PCDH15: variants seen among roughly 807,000 people sequenced by gnomAD.
The protein encoded by PCDH15 is protocadherin related 15.
Under a neutral mutation model 178.5 loss-of-function variants are expected in PCDH15, and 129 were observed. The observed-to-expected ratio is 0.72, with a 90% CI of 0.63 to 0.84. PCDH15 has a LOEUF of 0.84. Among genes scored for constraint, PCDH15 ranks in the 40% least tolerant of loss-of-function variants. The probability of loss-of-function intolerance (pLI) is 0.00; values close to 1 mark genes in which losing one functional copy is unlikely to be tolerated. For synonymous variants in PCDH15, 800 were observed against 732.0 expected (o/e 1.09, Z -1.50); for missense variants, 2,230 against 2,099.9 (o/e 1.06, Z -1.21).
intron 2 of PCDH15, among the ~76,000 whole-genome samples, chr10:55,053,352 C>T (rs933517677): frequency 1.3e-5 from 2 of 152,130 alleles, no homozygotes; most frequent in African/African-American, 4.8e-5. Context: ...GCTAACCCAG[C>T]ACCGACAGAA....
chr10:54,167,057 T>C (rs113928254), intron 13 of PCDH15, among the ~76,000 whole-genome samples: 3,891 of 152,276 alleles, frequency 0.026, 62 homozygotes, highest in African/African-American at 0.048. Flanking sequence ...CGCCTGCACC[T>C]GGGTGAAATA....
chr10:54,681,694 G>GC lies in PCDH15; in HGVS notation c.-28-17405_-28-17404insG, dbSNP rs1555146288. On this transcript the variant is annotated intron_variant, in intron 1 of 37. Coordinates refer to ENST00000644397, the MANE Select transcript of PCDH15 (RefSeq NM_001384140.1). ...AATAGAGTTCATATAATTTGTTAGT[G>GC]TTTTTTTTTACTGTGCAAGTGAGCA... is the stretch of plus-strand genomic sequence containing the variant. Among the ~76,000 whole-genome samples the GC allele has an allele frequency of 4.6e-3, 692 of 151,330 alleles. 3 individuals are homozygous for GC. Among genetic ancestry groups the GC allele is most frequent in the African/African-American group, 0.016 (651 of 41,278 alleles).
chr10:54,723,996 T>TAA (rs1230808976), intron 1 of PCDH15, among the ~76,000 whole-genome samples: 13 of 151,710 alleles, frequency 8.6e-5, no homozygotes, highest in Non-Finnish European at 1.9e-4. Context: ...CTCAAAGAAG[T>TAA]AAAAGTAGAA....
At position 55,066,133 on chromosome 10, in the gene PCDH15, A is replaced by G. The variant is rs904264278; in HGVS notation, c.-80+100443T>C. Reference sequence around the variant, plus strand: ...AAATTGTCAGCTTATTATATTTTTAATCGACGTATAAGGGTATTTTCTTAA... The same window carrying G: ...AAATTGTCAGCTTATTATATTTTTAGTCGACGTATAAGGGTATTTTCTTAA... On this transcript the variant is annotated intron_variant, in intron 2 of 5. Coordinates refer to the PCDH15 transcript ENST00000458638. Among the ~76,000 whole-genome samples, 102 of 151,792 alleles carry G rather than the reference A, an allele frequency of 6.7e-4. 1 individual carries two copies. Among genetic ancestry groups the G allele is most frequent in the Middle Eastern group, 3.4e-3 (1 of 294 alleles).
At chr10:54,198,818 A>T (rs12253569) in intron 10 of PCDH15, among the ~76,000 whole-genome samples, 30,009 of 146,050 alleles carry the variant, frequency 0.21, 5,633 homozygotes, top group African/African-American at 0.46. Context: ...CAGGACATAA[A>T]AATGCTATGA....
intron 8 of PCDH15, among the ~76,000 whole-genome samples, chr10:54,253,846 G>A (rs1159394640): frequency 6.6e-6 from 1 of 151,784 alleles, no homozygotes; most frequent in Non-Finnish European, 1.5e-5. Context: ...CTCAAATACT[G>A]TATTTTTAAT....
intron 2 of PCDH15, among the ~76,000 whole-genome samples, chr10:55,450,491 G>A (rs1484131516): frequency 6.6e-6 from 1 of 152,106 alleles, no homozygotes; most frequent in African/African-American, 2.4e-5. Context: ...CAGTGTAGTT[G>A]AGCCCTCTCC....
intron 3 of PCDH15, among the ~76,000 whole-genome samples, chr10:54,389,988 G>T (rs1290198825): frequency 2.0e-5 from 3 of 151,990 alleles, no homozygotes; most frequent in Non-Finnish European, 4.4e-5. Flanking sequence ...TCTGATGCTT[G>T]TTGAAATTTG....
At chr10:55,126,786 T>C (rs1259244456) in intron 2 of PCDH15, among the ~76,000 whole-genome samples, 1 of 152,032 alleles carries the variant, frequency 6.6e-6, no homozygotes, top group African/African-American at 2.4e-5. Flanking sequence ...CTCAGAAAGA[T>C]ATAATCTAAA....
chr10:53,998,425 G>A (rs2091959894), intron 20 of PCDH15, among the ~76,000 whole-genome samples: 1 of 152,142 alleles, frequency 6.6e-6, no homozygotes, highest in Non-Finnish European at 1.5e-5. Flanking sequence ...ACCTGAAGGT[G>A]TAGGTAGCTA....
At chr10:54,977,830 A>G (rs1839113700) in intron 2 of PCDH15, among the ~76,000 whole-genome samples, 1 of 152,196 alleles carries the variant, frequency 6.6e-6, no homozygotes, top group Non-Finnish European at 1.5e-5. Context: ...GGTATTCACA[A>G]CATTGTATTT....
intron 3 of PCDH15, among the ~76,000 whole-genome samples, chr10:54,446,464 T>C (rs1371601270): frequency 6.6e-6 from 1 of 151,710 alleles, no homozygotes; most frequent in Non-Finnish European, 1.5e-5. Context: ...TTTTTGTGTT[T>C]CATTATTTGA....
intron 2 of PCDH15, among the ~76,000 whole-genome samples, chr10:54,566,086 A>G (rs2088988621): frequency 6.6e-6 from 1 of 151,996 alleles, no homozygotes; most frequent in Non-Finnish European, 1.5e-5. Context: ...TTTCATCTCA[A>G]TAAATAAATA....
chr10:54,225,424 C>T (rs534248553), intron 9 of PCDH15, among the ~76,000 whole-genome samples: 75 of 152,294 alleles, frequency 4.9e-4, no homozygotes, highest in African/African-American at 1.7e-3. Flanking sequence ...GTTCTCTACA[C>T]ATTTTCCAAG....
chr10:55,361,219 A>G (rs755151391), intron 2 of PCDH15, among the ~76,000 whole-genome samples: 5 of 152,002 alleles, frequency 3.3e-5, no homozygotes, highest in Non-Finnish European at 5.9e-5. Flanking sequence ...GAGATTAGAT[A>G]CAGCCCAAGT....
chr10:54,056,821 G>A (rs577961171), intron 18 of PCDH15, among the ~76,000 whole-genome samples: 1 of 152,264 alleles, frequency 6.6e-6, no homozygotes, highest in East Asian at 1.9e-4. Flanking sequence ...CTATGAGCCT[G>A]TAAAATCAAA....
intron 28 of PCDH15, among the ~76,000 whole-genome samples, chr10:53,848,202 A>G (rs1453896978): frequency 6.6e-6 from 1 of 151,928 alleles, no homozygotes; most frequent in Non-Finnish European, 1.5e-5. Context: ...GTTGGGGTGA[A>G]TTACAAAAAT....
chr10:55,599,827 G>A, intron 2 of PCDH15: 2 of 908,670 alleles, frequency 2.2e-6, no homozygotes, highest in Non-Finnish European at 3.2e-6. Context: ...AGTGACATAT[G>A]TTTAAGGGTT....
upstream of PCDH15, among the ~76,000 whole-genome samples, chr10:55,323,118 G>A (rs578137721): frequency 6.6e-6 from 1 of 152,290 alleles, no homozygotes; most frequent in Admixed American, 6.5e-5. Flanking sequence ...AGTCTTGGCA[G>A]CTTACATGTG....
Sources: allele counts gnomAD v4.1 joint callset (sites outside exome capture counted in the v4.1 genomes callset), GRCh38; gene constraint gnomAD v4.1.1; transcripts MANE v1.5; gene names NCBI Gene and HGNC (gene_info 2026-07-23, HGNC 2026-07-21).